Variants in CTNNAL1 observed in about 807,000 individuals in gnomAD.
The protein encoded by CTNNAL1 is alpha-catulin.
In CTNNAL1, 69 loss-of-function variants were observed where a neutral mutation model predicts 93.6. The observed-to-expected ratio is 0.74, with a 90% CI of 0.61 to 0.90. The LOEUF (loss-of-function observed/expected upper bound fraction) is 0.90. CTNNAL1 is among the 40% of genes least tolerant of loss of function. The pLI is 0.00. For missense variants in CTNNAL1, 836 were observed against 862.0 expected, an observed-to-expected ratio of 0.97 and a Z score of 0.38; for synonymous variants, 286 against 305.4, an observed-to-expected ratio of 0.94 and a Z score of 0.66.
chr9:108,950,860 T>A, intron 14 of CTNNAL1: 1 of 282,908 alleles, frequency 3.5e-6, no homozygotes, highest in East Asian at 5.4e-5. Context: ...ATTCTAGGGA[T>A]CATTTTTCAA....
chr9:108,954,676 C>A (rs182885035), intron 12 of CTNNAL1, among the ~76,000 whole-genome samples: 3 of 152,276 alleles, frequency 2.0e-5, no homozygotes, highest in Admixed American at 6.5e-5. Flanking sequence ...AATTAATTTG[C>A]AGTATCATGA....
chr9:108,954,872 C>T (rs1392495097), intron 12 of CTNNAL1, among the ~76,000 whole-genome samples: 1 of 152,116 alleles, frequency 6.6e-6, no homozygotes, highest in Non-Finnish European at 1.5e-5. Flanking sequence ...AGACTTAAGA[C>T]TTTAATATCT....
intron 1 of CTNNAL1, among the ~76,000 whole-genome samples, chr9:109,006,933 CA>C (rs1353993761): frequency 6.6e-6 from 1 of 152,088 alleles, no homozygotes; most frequent in Non-Finnish European, 1.5e-5. Context: ...TAATTGTACC[CA>C]TCAGCCAGGC....
chr9:108,984,367 T>C lies in CTNNAL1; in HGVS notation c.709A>G (p.Met237Val), dbSNP rs1178379513. The C allele has an allele frequency of 6.2e-7, 1 of 1,609,092 alleles. No homozygotes were observed. Reference protein sequence around the residue: ...ARAVLEKCTMMLLTASKTCLR... With the variant: ...ARAVLEKCTMVLLTASKTCLR... The stretch of plus-strand genomic sequence containing the variant: ...CTTACCTTTGAAGCTGTGAGAAGCA[T>C]CATTGTACACTTTTCAAGAACTGCC... The change falls in exon 5 of 19, where the codon ATG becomes GTG. Residue 237 changes from methionine (M) to valine (V), a missense_variant. Coordinates refer to ENST00000325551, the MANE Select transcript of CTNNAL1 (RefSeq NM_003798.4).
At position 108,942,769 on chromosome 9, in the gene CTNNAL1, T is replaced by G. The variant is rs201479674; in HGVS notation, c.2205A>C (p.Ter735CysextTer22). The G allele has an allele frequency of 1.1e-5, 18 of 1,602,346 alleles. No homozygotes were observed. Among genetic ancestry groups the G allele is most frequent in the Non-Finnish European group, 1.5e-5 (18 of 1,170,496 alleles). ...TNKDTMDSKT* is the reference protein window; with the variant it reads ...TNKDTMDSKTC ...CCAGAGATCTGACCCCAAAAGCTTCTCAAGTTTTACTATCCATAGTGTCCT... is the reference window on the plus strand; with the variant it reads ...CCAGAGATCTGACCCCAAAAGCTTCGCAAGTTTTACTATCCATAGTGTCCT... The change falls in exon 19 of 19, where the codon TGA becomes TGC. Residue 735 changes from the stop codon to cysteine, a stop_lost. Transcript: ENST00000325551.
intron 4 of CTNNAL1, among the ~76,000 whole-genome samples, chr9:108,988,475 T>G (rs1831682590): frequency 6.6e-6 from 1 of 152,222 alleles, no homozygotes; most frequent in Non-Finnish European, 1.5e-5. Flanking sequence ...TCCCTGCCTC[T>G]GCCCTTGTCT....
intron 4 of CTNNAL1, among the ~76,000 whole-genome samples, chr9:108,986,139 T>C (rs1384942166): frequency 6.6e-6 from 1 of 150,906 alleles, no homozygotes; most frequent in Admixed American, 6.6e-5. Flanking sequence ...AACTCGTCAT[T>C]TAGCATTAGG....
intron 1 of CTNNAL1, among the ~76,000 whole-genome samples, chr9:109,004,084 G>C (rs12335597): frequency 1.3e-5 from 2 of 151,884 alleles, no homozygotes; most frequent in Non-Finnish European, 2.9e-5. Flanking sequence ...TCTTTCTCTC[G>C]GTTCACCCTA....
At chr9:108,967,022 C>A (rs1830973024) in intron 10 of CTNNAL1, among the ~76,000 whole-genome samples, 1 of 152,164 alleles carries the variant, frequency 6.6e-6, no homozygotes, top group Non-Finnish European at 1.5e-5. Flanking sequence ...ACAGCAGATC[C>A]TTTCCCTTCT....
At chr9:108,968,008 G>T (rs367544289) in intron 10 of CTNNAL1, among the ~76,000 whole-genome samples, 1 of 152,102 alleles carries the variant, frequency 6.6e-6, no homozygotes, top group African/African-American at 2.4e-5. Context: ...TCCCTCTGGG[G>T]TGGGCATAGT....
At chr9:108,944,139 G>T in intron 15 of CTNNAL1, 121 bp from the exon 16 acceptor site, 1 of 958,620 alleles carries the variant, frequency 1.0e-6, no homozygotes, top group Non-Finnish European at 1.5e-6. Flanking sequence ...TAAAAAGTCT[G>T]TCAGGAACTC....
intron 12 of CTNNAL1, among the ~76,000 whole-genome samples, chr9:108,955,555 A>C (rs1214962309): frequency 6.6e-6 from 1 of 152,158 alleles, no homozygotes; most frequent in Admixed American, 6.5e-5. Flanking sequence ...GCTTTTTATT[A>C]ATCACAAATT....
chr9:108,971,122 T>A (rs1831103999), intron 9 of CTNNAL1, among the ~76,000 whole-genome samples: 1 of 152,138 alleles, frequency 6.6e-6, no homozygotes, highest in Non-Finnish European at 1.5e-5. Context: ...CATAGCAGCA[T>A]CAAATTTATT....
chr9:108,945,725 T>C (rs1338806801), intron 15 of CTNNAL1, among the ~76,000 whole-genome samples: 1 of 151,962 alleles, frequency 6.6e-6, no homozygotes, highest in Non-Finnish European at 1.5e-5. Flanking sequence ...TCCTCCCAGC[T>C]TGGTCTCCCA....
intron 4 of CTNNAL1, among the ~76,000 whole-genome samples, chr9:108,989,547 G>A (rs1023866329): frequency 6.6e-6 from 1 of 152,122 alleles, no homozygotes; most frequent in African/African-American, 2.4e-5. Context: ...AATTGGGAAA[G>A]TTCATATCAA....
intron 11 of CTNNAL1, among the ~76,000 whole-genome samples, chr9:108,959,224 G>A (rs1339514576): frequency 1.3e-5 from 2 of 151,706 alleles, no homozygotes; most frequent in Non-Finnish European, 2.9e-5. Flanking sequence ...AATTAGCCGG[G>A]TGTGGTGGTG....
At chr9:108,948,468 A>T (rs965224311) in intron 14 of CTNNAL1, among the ~76,000 whole-genome samples, 3 of 152,198 alleles carry the variant, frequency 2.0e-5, no homozygotes, top group African/African-American at 7.2e-5. Flanking sequence ...AATATAAAAA[A>T]TTTTAAACAA....
At position 109,013,315 on chromosome 9, in the gene CTNNAL1, G is replaced by A. The variant is rs1400780178; in HGVS notation, c.128C>T (p.Pro43Leu). Residue 43 changes from proline to leucine, a missense_variant, in exon 1 of 19, where the codon CCG becomes CTG. By Grantham distance (98) the Pro-to-Leu change is moderately conservative. Transcript: ENST00000325551. ...GCGCCACTTTACCTGAGAAACCAGC[G>A]GGAGTAGCGTCTGCTCCACCGAGCG... is the stretch of plus-strand genomic sequence containing the variant. ...KTRSVEQTLL[P>L]LVSQITTLIN... is the part of the protein sequence containing the mutation. 1.3e-6 allele frequency: 2 copies of A among 1,507,790 alleles called. No homozygotes were observed. Among genetic ancestry groups the A allele is most frequent in the Admixed American group, 2.2e-5 (1 of 44,612 alleles). 93.4% of individuals were successfully genotyped at this position (1,507,790 alleles called of 1,614,324 possible).
intron 1 of CTNNAL1, among the ~76,000 whole-genome samples, chr9:109,007,581 G>A (rs988124086): frequency 6.6e-6 from 1 of 152,178 alleles, no homozygotes; most frequent in Non-Finnish European, 1.5e-5. Context: ...CTGACAGGAA[G>A]AATAAAGTGA....
Sources: allele counts gnomAD v4.1 joint callset (sites outside exome capture counted in the v4.1 genomes callset), GRCh38; gene constraint gnomAD v4.1.1; transcripts MANE v1.5; gene names NCBI Gene and HGNC (gene_info 2026-07-23, HGNC 2026-07-21).